The following ZNF454 variants were observed in gnomAD, a reference collection of about 807,000 sequenced individuals.
The protein encoded by ZNF454 is zinc finger protein 454.
Under a neutral mutation model 48.2 loss-of-function variants are expected in ZNF454, and 30 were observed. That is an observed-to-expected ratio of 0.62 (90% CI 0.47 to 0.84). The LOEUF (loss-of-function observed/expected upper bound fraction) is 0.84. Among genes scored for constraint, ZNF454 ranks in the 40% least tolerant of loss-of-function variants. The pLI is 0.00. For synonymous variants in ZNF454, 204 were observed against 211.4 expected (o/e 0.97, Z 0.30); for missense variants, 510 against 623.1 (o/e 0.82, Z 1.93).
chr5:178,966,110 G>A lies in ZNF454; in HGVS notation c.*137G>A. ...TATTTACTGAGGGTCAGGTTTCACA[G>A]TGTCATGGGGTTTGGGCATTTAAGA... On this transcript the variant is annotated 3_prime_UTR_variant, in exon 5 of 5. Coordinates refer to ENST00000519564, the MANE Select transcript of ZNF454 (RefSeq NM_001178089.3). 1.2e-6 allele frequency: 1 copy of A among 800,476 alleles called. No individual in the cohort carries two copies. Among genetic ancestry groups the A allele is most frequent in the Non-Finnish European group, 1.9e-6 (1 of 517,724 alleles). 49.6% of individuals were successfully genotyped at this position (800,476 alleles called of 1,614,324 possible). A position where few individuals can be genotyped will look rare whatever the true frequency, so the allele number is the denominator to read the frequency against.
At position 178,965,621 on chromosome 5, in the gene ZNF454, A is replaced by C. The variant is rs748666943; in HGVS notation, c.1217A>C (p.His406Pro). 1 of 1,614,212 alleles carries C rather than the reference A, an allele frequency of 6.2e-7. No individual in the cohort carries two copies. The part of the protein sequence containing the change: ...NSSFARHRKI[H>P]TGEKPYRCGL... ...TCCTTTGCACGACATCGGAAAATTCACACTGGAGAGAAACCTTACAGATGT... is the reference window on the plus strand; with the variant it reads ...TCCTTTGCACGACATCGGAAAATTCCCACTGGAGAGAAACCTTACAGATGT... The change falls in exon 5 of 5, where the codon CAC becomes CCC. Residue 406 changes from histidine (H) to proline (P), a missense_variant. Physicochemically the swap from His to Pro is moderately conservative, Grantham distance 77 (BLOSUM62 -2). Coordinates refer to ENST00000519564, the MANE Select transcript of ZNF454 (RefSeq NM_001178089.3). This position sits in a 1 kb window ranked among gnomAD's most constrained non-coding sequence, Gnocchi z 5.2.
the ZNF454 span, chr5:178,979,491 A>G: frequency 6.6e-6 from 1 of 152,360 alleles, no homozygotes; most frequent in African/African-American, 2.4e-5. Context: ...ACAGGAGTAC[A>G]TGGGCCTCGC....
At position 178,941,215 on chromosome 5, in the gene ZNF454, T is replaced by C; in HGVS notation, c.-337T>C. On this transcript the variant is annotated 5_prime_UTR_variant, in exon 1 of 5. Coordinates refer to ENST00000519564, the MANE Select transcript of ZNF454 (RefSeq NM_001178089.3). This position sits in a 1 kb window ranked among gnomAD's most constrained non-coding sequence, Gnocchi z 5.5. ...CGCAGTTCGGCTCCCGGCTGCAGAC[T>C]CCAGCTCATTGTGTTCTGACTGCGA... The C allele has an allele frequency of 2.7e-6, 1 of 370,452 alleles. No homozygotes were observed. The highest frequency in any genetic ancestry group is 5.4e-6 in the Non-Finnish European group (1 of 186,022). 22.9% of individuals were successfully genotyped at this position (370,452 alleles called of 1,614,324 possible).
rs775405198 is a variant in ZNF454, at chr5:178,965,041, G to A, written c.637G>A (p.Glu213Lys). ...TGCAAATCAGAAAATTCATATTAAG[G>A]AGAAAAGATATGAATGTAGAGAATG... ...KNANQKIHIK[E>K]KRYECRECGK... The change falls in exon 5 of 5, where the codon GAG (glutamate) becomes AAG (lysine). Residue 213 changes from glutamate to lysine, a missense_variant. Coordinates refer to ENST00000519564, the MANE Select transcript of ZNF454 (RefSeq NM_001178089.3). This position sits in a 1 kb window ranked among gnomAD's most constrained non-coding sequence, Gnocchi z 5.2. 6 of 1,613,950 alleles carry A rather than the reference G, an allele frequency of 3.7e-6. No homozygotes were observed. The South Asian group carries it at 5.5e-5, about 15-fold the overall frequency.
rs1760124569 is a variant in ZNF454, at chr5:178,965,635, C to T, written c.1231C>T (p.Pro411Ser). The change falls in exon 5 of 5, where the codon CCT (proline) becomes TCT (serine). Residue 411 changes from proline (P) to serine (S), a missense_variant. This residue lies in a region of ZNF454 where 153 missense variants were observed against 195.8 expected (regional missense o/e 0.78). Coordinates refer to ENST00000519564, the MANE Select transcript of ZNF454 (RefSeq NM_001178089.3). The surrounding 1 kb of genome is among the most constrained non-coding windows in gnomAD (Gnocchi z 5.2). ...RHRKIHTGEK[P>S]YRCGLCEKAF... Reference sequence around the variant, plus strand: ...TCGGAAAATTCACACTGGAGAGAAACCTTACAGATGTGGCTTGTGTGAGAA... The same window carrying T: ...TCGGAAAATTCACACTGGAGAGAAATCTTACAGATGTGGCTTGTGTGAGAA... 1 of 1,614,078 alleles carries T rather than the reference C, an allele frequency of 6.2e-7. No homozygotes were observed. Among genetic ancestry groups the T allele is most frequent in the Non-Finnish European group, 8.5e-7 (1 of 1,180,022 alleles).
chr5:178,976,276 T>C, the ZNF454 span: 29 of 282,292 alleles, frequency 1.0e-4, no homozygotes, highest in African/African-American at 6.2e-4. Flanking sequence ...ACATCACCCT[T>C]TAACATACAG....
At chr5:178,967,870 G>C (rs1269293209), downstream of ZNF454, among the ~76,000 whole-genome samples, 1 of 151,386 alleles carries the variant, frequency 6.6e-6, no homozygotes, top group Non-Finnish European at 1.5e-5. Flanking sequence ...CTCCCGAGTA[G>C]CTAGGTCTAC....
At chr5:178,975,685 CATACCCCA>C in the ZNF454 span, 16 of 432,162 alleles carry the variant, frequency 3.7e-5, no homozygotes, top group Admixed American at 4.8e-5. Flanking sequence ...ACATGGTATA[CATACCCCA>C]GTGCCTCAGG....
At chr5:178,971,277 G>C (rs1030338009), downstream of ZNF454, among the ~76,000 whole-genome samples, 2 of 152,210 alleles carry the variant, frequency 1.3e-5, no homozygotes, top group African/African-American at 4.8e-5. Flanking sequence ...AGTCGGCGGG[G>C]AGTAGGGGGA....
chr5:178,956,674 AATTT>A (rs70997652), intron 4 of ZNF454, among the ~76,000 whole-genome samples: 916 of 33,796 alleles, frequency 0.027, 12 homozygotes, highest in African/African-American at 0.058. Context: ...TATTTTATTT[AATTT>A]ATTTATTTAT....
chr5:178,965,805 T>A lies in ZNF454; in HGVS notation c.1401T>A (p.Pro467=). 1 of 1,614,000 alleles carries A rather than the reference T, an allele frequency of 6.2e-7. No homozygotes were observed. Among genetic ancestry groups the A allele is most frequent in the Non-Finnish European group, 8.5e-7 (1 of 1,180,026 alleles). The change falls in exon 5 of 5, where the codon CCT becomes CCA. Residue 467 remains proline, a synonymous_variant. Coordinates refer to ENST00000519564, the MANE Select transcript of ZNF454 (RefSeq NM_001178089.3). This position sits in a 1 kb window ranked among gnomAD's most constrained non-coding sequence, Gnocchi z 5.2. ...QHKRIHTREK[P]YKCKICEKAF... ...AGAGAATTCATACTAGGGAAAAACC[T>A]TACAAATGTAAAATCTGTGAGAAAG...
intron 4 of ZNF454, among the ~76,000 whole-genome samples, chr5:178,949,332 G>A (rs1037531482): frequency 2.0e-5 from 3 of 152,132 alleles, no homozygotes; most frequent in African/African-American, 7.2e-5. Flanking sequence ...GATTACAGGC[G>A]TGAGCCACTG....
chr5:178,946,289 C>T lies in ZNF454; in HGVS notation c.34-70C>T. ...AATGCGCACAAGCTCCTAGGGGCTG[C>T]CAGTCTCTTTTCCAGAGAACCATGT... On this transcript the variant is annotated intron_variant, in intron 2 of 4. Coordinates refer to ENST00000519564, the MANE Select transcript of ZNF454 (RefSeq NM_001178089.3). This position sits in a 1 kb window ranked among gnomAD's most constrained non-coding sequence, Gnocchi z 4.5. 3 of 1,582,938 alleles carry T rather than the reference C, an allele frequency of 1.9e-6. No homozygotes were observed. The highest frequency in any genetic ancestry group is 2.3e-5 in the South Asian group (2 of 85,212).
chr5:178,986,396 C>G, the ZNF454 span: 35 of 1,613,800 alleles, frequency 2.2e-5, no homozygotes, highest in Non-Finnish European at 2.6e-5. Flanking sequence ...AGCTCTCGGC[C>G]CGAGGCCCGG....
At position 178,965,974 on chromosome 5, in the gene ZNF454, T is replaced by C; in HGVS notation, c.*1T>C. On this transcript the variant is annotated 3_prime_UTR_variant, in exon 5 of 5. Transcript: ENST00000519564. This position sits in a 1 kb window ranked among gnomAD's most constrained non-coding sequence, Gnocchi z 5.2. Reference sequence around the variant, plus strand: ...GAGACATCATATTGGAGAGAAGTGATATGAATGCAGTTTGTATGGAAGACC... The same window carrying C: ...GAGACATCATATTGGAGAGAAGTGACATGAATGCAGTTTGTATGGAAGACC... The C allele has an allele frequency of 6.4e-7, 1 of 1,556,044 alleles. No homozygotes were observed. Among genetic ancestry groups the C allele is most frequent in the Non-Finnish European group, 8.7e-7 (1 of 1,154,132 alleles).
At chr5:178,977,686 C>G in the ZNF454 span, among the ~76,000 whole-genome samples, 2 of 152,184 alleles carry the variant, frequency 1.3e-5, no homozygotes, top group South Asian at 4.2e-4. Context: ...TCTCCAGCCT[C>G]AGCCCCCCGA....
At chr5:178,986,792 G>A in the ZNF454 span, 418 of 1,611,870 alleles carry the variant, frequency 2.6e-4, 1 homozygote, top group Middle Eastern at 2.1e-3. Flanking sequence ...GTCTGCCTCC[G>A]GGATCCTGGG....
chr5:178,975,698 C>T, the ZNF454 span: 2 of 430,544 alleles, frequency 4.6e-6, no homozygotes, highest in Non-Finnish European at 9.6e-6. Flanking sequence ...ACCCCAGTGC[C>T]TCAGGTGACG....
chr5:178,986,168 A>G, the ZNF454 span: 2 of 1,613,908 alleles, frequency 1.2e-6, no homozygotes, highest in Non-Finnish European at 8.5e-7. Flanking sequence ...ACCAGCTGTG[A>G]GGTGGGGCTG....
Sources: gnomAD v4.1 joint callset for allele counts (sites outside exome capture counted in the v4.1 genomes callset) on GRCh38, gnomAD v4.1.1 for gene constraint, gnomAD v4.1.1 regional missense constraint, Gnocchi (gnomAD v3.1) non-coding constraint, MANE v1.5 for transcripts, NCBI Gene and HGNC (gene_info 2026-07-23, HGNC 2026-07-21) for gene names.